UNC13C: variants seen among roughly 807,000 people sequenced by gnomAD.
UNC13C encodes protein unc-13 homolog C.
UNC13C carries 174 observed loss-of-function variants against 245.4 expected under a neutral mutation model. The observed-to-expected ratio is 0.71, with a 90% CI of 0.63 to 0.80. UNC13C has a LOEUF of 0.80. Among genes scored for constraint, UNC13C ranks in the 30% least tolerant of loss-of-function variants. The pLI is 0.00. For missense variants in UNC13C, 2,829 were observed against 2,602.9 expected (o/e 1.09, Z -1.89); for synonymous variants, 992 against 895.1 (o/e 1.11, Z -1.93).
intron 24 of UNC13C, among the ~76,000 whole-genome samples, chr15:54,517,419 G>C (rs1414281795): frequency 2.6e-5 from 4 of 152,080 alleles, no homozygotes; most frequent in Non-Finnish European, 5.9e-5. Flanking sequence ...AGAAATTGGG[G>C]TACAAAATAA....
At chr15:54,383,023 A>G (rs1308105632) in intron 17 of UNC13C, among the ~76,000 whole-genome samples, 1 of 152,214 alleles carries the variant, frequency 6.6e-6, no homozygotes, top group East Asian at 1.9e-4. Flanking sequence ...AAACAGGCCA[A>G]TAATGAGGAG....
intron 30 of UNC13C, among the ~76,000 whole-genome samples, chr15:54,600,053 T>A (rs2141270250): frequency 6.6e-6 from 1 of 152,256 alleles, no homozygotes; most frequent in Middle Eastern, 3.4e-3. Flanking sequence ...TATGACCATT[T>A]ATTAACCTCT....
chr15:54,385,763 A>G (rs1200101622), intron 17 of UNC13C, among the ~76,000 whole-genome samples: 3 of 151,930 alleles, frequency 2.0e-5, no homozygotes, highest in East Asian at 1.9e-4. Flanking sequence ...AAATACCCCA[A>G]ATATGCTGGC....
At chr15:54,512,433 C>G in intron 24 of UNC13C, 2 of 453,490 alleles carry the variant, frequency 4.4e-6, no homozygotes, top group Middle Eastern at 3.3e-4. Context: ...AACCCTCACT[C>G]CATACCTAAA....
At chr15:54,096,350 T>C (rs765692782) in intron 2 of UNC13C, among the ~76,000 whole-genome samples, 34 of 142,936 alleles carry the variant, frequency 2.4e-4, no homozygotes, top group Non-Finnish European at 3.9e-4. Flanking sequence ...AAAAAAAAAG[T>C]CTGTGATAGA....
At chr15:54,559,182 G>T (rs1446533926) in intron 29 of UNC13C, among the ~76,000 whole-genome samples, 3 of 151,952 alleles carry the variant, frequency 2.0e-5, no homozygotes, top group Non-Finnish European at 4.4e-5. Flanking sequence ...TATAAGGAAA[G>T]GAATTTAACT....
chr15:53,937,748 G>T, the UNC13C span, among the ~76,000 whole-genome samples: 1 of 151,612 alleles, frequency 6.6e-6, no homozygotes, highest in Admixed American at 6.6e-5. Flanking sequence ...TTAGGGAAGA[G>T]AATTTCTAAC....
intron 2 of UNC13C, among the ~76,000 whole-genome samples, chr15:54,111,672 A>G (rs533011633): frequency 6.6e-6 from 1 of 152,330 alleles, no homozygotes; most frequent in East Asian, 1.9e-4. Context: ...ATACTCTGGT[A>G]TAGTTCATGG....
the UNC13C span, among the ~76,000 whole-genome samples, chr15:53,938,142 T>C: frequency 6.6e-6 from 1 of 152,014 alleles, no homozygotes; most frequent in Non-Finnish European, 1.5e-5. Flanking sequence ...GAGACCCATC[T>C]CATGTGCAAA....
chr15:54,112,575 GC>G (rs1359318108), intron 2 of UNC13C, among the ~76,000 whole-genome samples: 1 of 152,156 alleles, frequency 6.6e-6, no homozygotes, highest in Admixed American at 6.5e-5. Flanking sequence ...AATATGTCTA[GC>G]CCCCAGGTAG....
At chr15:54,503,005 T>C (rs1473029105) in intron 22 of UNC13C, among the ~76,000 whole-genome samples, 1 of 151,704 alleles carries the variant, frequency 6.6e-6, no homozygotes, top group East Asian at 1.9e-4. Context: ...AATGGAAGTA[T>C]AAAAGGGTGG....
chr15:54,091,145 C>T (rs1899551761), intron 2 of UNC13C, among the ~76,000 whole-genome samples: 1 of 152,108 alleles, frequency 6.6e-6, no homozygotes, highest in Non-Finnish European at 1.5e-5. Flanking sequence ...TGACACTGAA[C>T]TGCTTTTTGA....
intron 2 of UNC13C, among the ~76,000 whole-genome samples, chr15:54,097,936 C>T (rs1362063112): frequency 6.6e-6 from 1 of 152,180 alleles, no homozygotes; most frequent in African/African-American, 2.4e-5. Context: ...CTTGAAGAGA[C>T]ATTTCATGTA....
At chr15:54,134,512 G>GTTTTTT (rs1212995916) in intron 2 of UNC13C, among the ~76,000 whole-genome samples, 33 of 151,316 alleles carry the variant, frequency 2.2e-4, no homozygotes, top group African/African-American at 7.8e-4. Context: ...TTTGTTTTTT[G>GTTTTTT]TTTTTTGTTT....
chr15:53,963,532 G>A, the UNC13C span, among the ~76,000 whole-genome samples: 2 of 152,128 alleles, frequency 1.3e-5, no homozygotes, highest in African/African-American at 2.4e-5. Flanking sequence ...GACAATACAC[G>A]TGTAAAGGAT....
chr15:54,318,443 A>T (rs921822758), intron 13 of UNC13C, among the ~76,000 whole-genome samples: 1 of 151,740 alleles, frequency 6.6e-6, no homozygotes, highest in Non-Finnish European at 1.5e-5. Flanking sequence ...GTAATATCTG[A>T]TGTGGTCTTA....
At chr15:54,380,120 G>A (rs2140897651) in intron 17 of UNC13C, among the ~76,000 whole-genome samples, 1 of 152,072 alleles carries the variant, frequency 6.6e-6, no homozygotes, top group African/African-American at 2.4e-5. Flanking sequence ...TTGACCAACA[G>A]CTCTCTAAGC....
At chr15:54,323,663 C>A (rs991660345) in intron 14 of UNC13C, among the ~76,000 whole-genome samples, 2 of 151,940 alleles carry the variant, frequency 1.3e-5, no homozygotes, top group African/African-American at 2.4e-5. Context: ...AAGCTGGAAC[C>A]AAAGAACGTT....
intron 19 of UNC13C, among the ~76,000 whole-genome samples, chr15:54,468,656 T>A (rs1172999451): frequency 6.6e-6 from 1 of 151,754 alleles, no homozygotes; most frequent in African/African-American, 2.4e-5. Flanking sequence ...ATTTTCATTC[T>A]TTTGCATGTG....
Sources: allele counts gnomAD v4.1 joint callset (sites outside exome capture counted in the v4.1 genomes callset), GRCh38; gene constraint gnomAD v4.1.1; transcripts MANE v1.5; gene names NCBI Gene and HGNC (gene_info 2026-07-23, HGNC 2026-07-21).